The following NME5 variants were observed in gnomAD, a reference collection of about 807,000 sequenced individuals.
The protein encoded by NME5 is NME/NM23 family member 5, also known as nucleoside diphosphate kinase 5.
Under a neutral mutation model 21.6 loss-of-function variants are expected in NME5, and 18 were observed. The ratio of observed to expected loss-of-function variants is 0.83; its 90% CI spans 0.58 to 1.24. The LOEUF is 1.24. Among genes scored for constraint, NME5 ranks in the 50% most tolerant of loss-of-function variants. NME5 has a pLI of 0.00. For missense variants in NME5, 223 were observed against 255.4 expected (o/e 0.87, Z 0.86); for synonymous variants, 70 against 80.6 (o/e 0.87, Z 0.71).
Position 138,138,676 on chromosome 5 carries a change from A to G in NME5, c.105T>C (p.Leu35=). The G allele has an allele frequency of 8.7e-6, 14 of 1,612,154 alleles. No homozygotes were observed. The highest frequency in any genetic ancestry group is 1.2e-5 in the Non-Finnish European group (14 of 1,179,484). The change falls in exon 2 of 6, where the codon CTT becomes CTC. Residue 35 remains leucine, a synonymous_variant. Coordinates refer to ENST00000265191, the MANE Select transcript of NME5 (RefSeq NM_003551.3). ...DKEEEIQDII[L]RSGFTIVQRR... ...CCTGAACAATGGTGAATCCGGATCT[A>G]AGAATAATATCTTGTATCTCCTCCT... is the stretch of plus-strand genomic sequence containing the variant.
intron 4 of NME5, among the ~76,000 whole-genome samples, chr5:138,120,967 C>G (rs923247271): frequency 2.6e-5 from 4 of 152,064 alleles, no homozygotes; most frequent in African/African-American, 7.2e-5. Context: ...TTACATTAGC[C>G]TACAGTTGGG....
In NME5 at chr5:138,128,536, G is replaced by C. The variant is rs1751485244; in HGVS notation, c.379C>G (p.His127Asp). Residue 127 changes from histidine (H) to aspartate (D), a missense_variant, in exon 4 of 6, where the codon CAT becomes GAT. Physicochemically the swap from His to Asp is moderately conservative, Grantham distance 81. Coordinates refer to ENST00000265191, the MANE Select transcript of NME5 (RefSeq NM_003551.3). ...GCAGCAGCAAAGTCATTACTCCCAT[G>C]AAGTGCATTCCTTAGGTCATCTGTG... is the stretch of plus-strand genomic sequence containing the variant. ...YGTDDLRNAL[H>D]GSNDFAAAER... is the part of the protein sequence containing the mutation. The C allele has an allele frequency of 5.0e-6, 8 of 1,613,040 alleles. No homozygotes were observed. In the East Asian group the frequency reaches 1.8e-4, roughly 36 times the overall value.
chr5:138,120,328 G>A (rs1017037898), intron 4 of NME5, among the ~76,000 whole-genome samples: 1 of 148,170 alleles, frequency 6.7e-6, no homozygotes, highest in Non-Finnish European at 1.5e-5. Flanking sequence ...CCGCCTCCTG[G>A]GTTCACGCCA....
At chr5:138,133,221 C>T (rs1266507388) in intron 2 of NME5, among the ~76,000 whole-genome samples, 3 of 151,992 alleles carry the variant, frequency 2.0e-5, no homozygotes. Context: ...CTGCTTCAGC[C>T]TCCGGAGTAG....
At position 138,128,385 on chromosome 5, in the gene NME5, T is replaced by A. The variant is rs185996203; in HGVS notation, c.436+94A>T. ...ATAACAAAATATACTGGAAAAAAAATTATTTTATCTTCCTTCCCAGCTATA... is the reference window on the plus strand; with the variant it reads ...ATAACAAAATATACTGGAAAAAAAAATATTTTATCTTCCTTCCCAGCTATA... On this transcript the variant is annotated intron_variant, in intron 4 of 5. Transcript: ENST00000265191. 928 of 949,976 alleles carry A rather than the reference T, an allele frequency of 9.8e-4. 7 individuals carry two copies. The African/African-American group carries it at 0.013, about 13-fold the overall frequency. 58.8% of individuals were successfully genotyped at this position (949,976 alleles called of 1,614,324 possible).
intron 4 of NME5, among the ~76,000 whole-genome samples, chr5:138,125,771 C>T (rs1157112291): frequency 1.3e-5 from 2 of 152,280 alleles, no homozygotes; most frequent in East Asian, 1.9e-4. Context: ...TGCGCCACCA[C>T]GCCTGGCTAA....
chr5:138,135,582 G>T (rs1035245771), intron 2 of NME5, among the ~76,000 whole-genome samples: 1 of 151,890 alleles, frequency 6.6e-6, no homozygotes, highest in South Asian at 2.1e-4. Context: ...TGATCCACCC[G>T]CCTTGGCCTC....
Position 138,115,768 on chromosome 5 carries a change from TG to T in NME5, c.556-5del. The T allele has an allele frequency of 6.4e-7, 1 of 1,557,402 alleles. No individual in the cohort carries two copies. ...GCAGCCAATCAGCTAGCCAAATCTA[TG>T]GGAAAAAAAAAAACAACCTAAGTTA... On this transcript the variant is annotated splice_region_variant and splice_polypyrimidine_tract_variant and intron_variant, in intron 5 of 5. Coordinates refer to ENST00000265191, the MANE Select transcript of NME5 (RefSeq NM_003551.3).
chr5:138,128,129 T>A (rs1024875581), intron 4 of NME5, among the ~76,000 whole-genome samples: 1 of 152,128 alleles, frequency 6.6e-6, no homozygotes, highest in Non-Finnish European at 1.5e-5. Flanking sequence ...AGTGGGAGGA[T>A]CACCGGAGCC....
Position 138,136,799 on chromosome 5 carries a change from C to T in NME5, c.129+1853G>A, listed in dbSNP as rs564500720. 5.9e-5 allele frequency among the ~76,000 whole-genome samples: 9 copies of T among 152,112 alleles called. No homozygotes were observed. In the South Asian group the frequency reaches 1.5e-3, roughly 25 times the overall value. ...CTGGGATTACAGGCATGCGCCCCCA[C>T]GCCTGGCTAATTTTGTATTTTTTAG... On this transcript the variant is annotated intron_variant, in intron 2 of 5. Coordinates refer to ENST00000265191, the MANE Select transcript of NME5 (RefSeq NM_003551.3).
intron 4 of NME5, among the ~76,000 whole-genome samples, chr5:138,120,229 TC>T (rs35122788): frequency 0.087 from 4,089 of 46,886 alleles, 143 homozygotes; most frequent in Admixed American, 0.17. Flanking sequence ...TGCTCCCAGC[TC>T]TTTTTTTTTT....
chr5:138,122,463 A>AAAAAAAAAAAAAAAAAAG (rs1196337031), intron 4 of NME5, among the ~76,000 whole-genome samples: 1 of 149,020 alleles, frequency 6.7e-6, no homozygotes, highest in African/African-American at 2.5e-5. Flanking sequence ...AAAAAAAAAA[A>AAAAAAAAAAAAAAAAAAG]AAAAAATTGT....
At chr5:138,117,373 T>C (rs183518006) in intron 5 of NME5, among the ~76,000 whole-genome samples, 6 of 151,930 alleles carry the variant, frequency 3.9e-5, no homozygotes, top group Admixed American at 6.6e-5. Flanking sequence ...TTTCATCAAA[T>C]GAAAAATGTT....
At chr5:138,116,432 A>G (rs1044356006) in intron 5 of NME5, 2 of 152,222 alleles carry the variant, frequency 1.3e-5, no homozygotes, top group African/African-American at 4.8e-5. Flanking sequence ...AGCCAAAACA[A>G]TCATGAAAAA....
chr5:138,136,627 T>C (rs1450983783), intron 2 of NME5, among the ~76,000 whole-genome samples: 2 of 151,984 alleles, frequency 1.3e-5, no homozygotes, highest in Non-Finnish European at 2.9e-5. Flanking sequence ...TTTTTGTTTA[T>C]ATAATCTTTT....
chr5:138,115,864 C>T (rs1283326290), intron 5 of NME5, 100 bp from the exon 6 acceptor site: 1 of 724,228 alleles, frequency 1.4e-6, no homozygotes, highest in Admixed American at 3.3e-5. Context: ...TTCAAAATCA[C>T]TTTAAGAAAA....
At chr5:138,134,842 C>CAGCCTCCCTA (rs370696336) in intron 2 of NME5, among the ~76,000 whole-genome samples, 1 of 148,768 alleles carries the variant, frequency 6.7e-6, no homozygotes, top group Non-Finnish European at 1.5e-5. Flanking sequence ...TCTCCTGCCT[C>CAGCCTCCCTA]GTAGCTGGGA....
At chr5:138,130,402 A>G (rs1751533706) in intron 2 of NME5, among the ~76,000 whole-genome samples, 1 of 152,176 alleles carries the variant, frequency 6.6e-6, no homozygotes, top group Non-Finnish European at 1.5e-5. Context: ...AAAAAAAGTA[A>G]CATGTAGTAT....
intron 5 of NME5, among the ~76,000 whole-genome samples, chr5:138,116,901 T>C (rs904538149): frequency 1.2e-4 from 19 of 152,056 alleles, no homozygotes; most frequent in African/African-American, 4.6e-4. Context: ...GACCTAAATA[T>C]AAGAGCTTAA....
Sources: allele counts gnomAD v4.1 joint callset (sites outside exome capture counted in the v4.1 genomes callset), GRCh38; gene constraint gnomAD v4.1.1; transcripts MANE v1.5; gene names NCBI Gene and HGNC (gene_info 2026-07-23, HGNC 2026-07-21).